The following SNAPC3 variants were observed in gnomAD, a reference collection of about 807,000 sequenced individuals.
SNAPC3 encodes snRNA-activating protein complex subunit 3.
In SNAPC3, 56 loss-of-function variants were observed where a neutral mutation model predicts 47.7. The observed-to-expected ratio is 1.18, with a 90% CI of 0.95 to 1.47. SNAPC3 has a LOEUF of 1.47. Ranked by LOEUF, SNAPC3 falls within the 40% of genes most tolerant of loss-of-function variation. The probability of loss-of-function intolerance (pLI) is 0.00; values close to 1 mark genes in which losing one functional copy is unlikely to be tolerated. For missense variants in SNAPC3, 665 were observed against 511.3 expected, an observed-to-expected ratio of 1.30 and a Z score of -2.90; for synonymous variants, 235 against 189.9, an observed-to-expected ratio of 1.24 and a Z score of -1.95.
intron 5 of SNAPC3, among the ~76,000 whole-genome samples, chr9:15,448,853 A>G (rs1003959046): frequency 6.6e-6 from 1 of 152,012 alleles, no homozygotes; most frequent in Non-Finnish European, 1.5e-5. Flanking sequence ...TCTGTTGCCC[A>G]GGCTGGAGTG....
chr9:15,432,113 G>C (rs1199736821), intron 2 of SNAPC3: 1 of 152,082 alleles, frequency 6.6e-6, no homozygotes, highest in African/African-American at 2.4e-5. Flanking sequence ...TACTAGAATT[G>C]AACAAATCAT....
At chr9:15,455,936 G>T (rs2034755702) in intron 7 of SNAPC3, among the ~76,000 whole-genome samples, 1 of 151,194 alleles carries the variant, frequency 6.6e-6, no homozygotes, top group Admixed American at 6.6e-5. Context: ...GTGCAGTGGC[G>T]TGATCTCGGC....
chr9:15,459,529 C>T (rs902801462), intron 8 of SNAPC3, among the ~76,000 whole-genome samples, 190 bp from the exon 9 acceptor site: 5 of 152,114 alleles, frequency 3.3e-5, no homozygotes, highest in Non-Finnish European at 7.3e-5. Flanking sequence ...GATGCCCTTT[C>T]GCTTTGTAGA....
chr9:15,433,933 C>T, intron 3 of SNAPC3: 1 of 207,956 alleles, frequency 4.8e-6, no homozygotes. Flanking sequence ...TTTTGTTCTG[C>T]TCCTGATTTT....
chr9:15,427,232 T>G (rs1468303789), intron 2 of SNAPC3, among the ~76,000 whole-genome samples: 1 of 152,238 alleles, frequency 6.6e-6, no homozygotes, highest in Non-Finnish European at 1.5e-5. Flanking sequence ...ACATTTTTTT[T>G]GACTACTTAG....
intron 3 of SNAPC3, among the ~76,000 whole-genome samples, chr9:15,435,728 T>TAAA (rs566806035): frequency 8.1e-6 from 1 of 123,624 alleles, no homozygotes; most frequent in African/African-American, 2.9e-5. Context: ...AAACTCTGTC[T>TAAA]AAAAAAAAAA....
chr9:15,452,719 A>G (rs892472851), intron 6 of SNAPC3, among the ~76,000 whole-genome samples: 1 of 152,256 alleles, frequency 6.6e-6, no homozygotes, highest in African/African-American at 2.4e-5. Context: ...GAAACTAAGA[A>G]GTATTTGAAA....
At chr9:15,430,637 C>A (rs145397521) in intron 2 of SNAPC3, among the ~76,000 whole-genome samples, 14 of 152,234 alleles carry the variant, frequency 9.2e-5, no homozygotes, top group African/African-American at 3.4e-4. Flanking sequence ...TCAATACTTA[C>A]TAGTGATGTT....
chr9:15,423,159 C>G lies in SNAPC3; in HGVS notation c.280C>G (p.Leu94Val), dbSNP rs1220558252. 2 of 1,572,584 alleles carry G rather than the reference C, an allele frequency of 1.3e-6. No individual in the cohort carries two copies. The highest frequency in any genetic ancestry group is 2.0e-5 in the Admixed American group (1 of 50,326). ...GGTGGCCAGGGATCTGGACTGCAGC[C>G]TGGAGGCGGCGGCTGAGCTGAGGGC... ...AAVARDLDCS[L>V]EAAAELRAVC... Residue 94 changes from leucine (L) to valine (V), a missense_variant, in exon 1 of 9, where the codon CTG (leucine) becomes GTG (valine). Transcript: ENST00000380821.
downstream of SNAPC3, chr9:15,464,534 AT>A: frequency 5.0e-6 from 1 of 200,652 alleles, no homozygotes; most frequent in East Asian, 7.8e-5. Flanking sequence ...TAGTGTTTGT[AT>A]TTTTGGAATC....
intron 5 of SNAPC3, among the ~76,000 whole-genome samples, chr9:15,450,755 G>C (rs1425599813): frequency 6.6e-6 from 1 of 152,146 alleles, no homozygotes; most frequent in Non-Finnish European, 1.5e-5. Flanking sequence ...TTTGTGATTT[G>C]ATTTTGCAGT....
chr9:15,454,478 T>C (rs759101610), intron 7 of SNAPC3, among the ~76,000 whole-genome samples: 16 of 152,136 alleles, frequency 1.1e-4, no homozygotes, highest in Non-Finnish European at 2.1e-4. Flanking sequence ...GAAATCCCAG[T>C]GTGAGAGCTT....
At position 15,426,180 on chromosome 9, in the gene SNAPC3, T is replaced by C. The variant is rs539461459; in HGVS notation, c.392+2194T>C. On this transcript the variant is annotated intron_variant, in intron 2 of 8. Transcript: ENST00000380821. ...GACCTTGCTGATTTTTTTTAAGCTT[T>C]CTCTCTGCAGTGTTCCAGCCACACT... Among the ~76,000 whole-genome samples, 352 of 152,296 alleles carry C rather than the reference T, an allele frequency of 2.3e-3. 2 individuals carry two copies. Among genetic ancestry groups the C allele is most frequent in the Non-Finnish European group, 4.1e-3 (276 of 68,028 alleles).
downstream of SNAPC3, chr9:15,462,446 A>AC (rs1369181870): frequency 6.6e-6 from 1 of 152,002 alleles, no homozygotes; most frequent in South Asian, 2.1e-4. Flanking sequence ...GAGCTATAAA[A>AC]CCCCTGATTT....
chr9:15,462,742 G>T (rs1324912229), downstream of SNAPC3: 1 of 152,190 alleles, frequency 6.6e-6, no homozygotes, highest in Non-Finnish European at 1.5e-5. Context: ...TAGGAGAAAG[G>T]TCAGTCATCT....
chr9:15,424,724 G>C (rs934983364), intron 2 of SNAPC3, among the ~76,000 whole-genome samples: 2 of 152,146 alleles, frequency 1.3e-5, no homozygotes, highest in African/African-American at 2.4e-5. Flanking sequence ...TAGAGAAATT[G>C]TGCATGTAAT....
intron 7 of SNAPC3, among the ~76,000 whole-genome samples, chr9:15,454,242 AAG>A (rs945813367): frequency 6.6e-6 from 1 of 151,858 alleles, no homozygotes; most frequent in African/African-American, 2.4e-5. Flanking sequence ...AAAAAAAAAA[AAG>A]AAAAAAAGAA....
At chr9:15,430,437 C>G (rs1181264570) in intron 2 of SNAPC3, among the ~76,000 whole-genome samples, 1 of 151,518 alleles carries the variant, frequency 6.6e-6, no homozygotes, top group African/African-American at 2.4e-5. Flanking sequence ...GTCAAAAAAA[C>G]AAAAAGAAAA....
chr9:15,436,756 C>A (rs1434104684), intron 3 of SNAPC3, among the ~76,000 whole-genome samples: 1 of 150,814 alleles, frequency 6.6e-6, no homozygotes, highest in Non-Finnish European at 1.5e-5. Context: ...TTAATGATAC[C>A]AAGTCTTCCA....
Sources: gnomAD v4.1 joint callset for allele counts (sites outside exome capture counted in the v4.1 genomes callset) on GRCh38, gnomAD v4.1.1 for gene constraint, MANE v1.5 for transcripts, NCBI Gene and HGNC (gene_info 2026-07-23, HGNC 2026-07-21) for gene names.